NSUN6: variants seen among roughly 807,000 people sequenced by gnomAD.
NSUN6 encodes the protein NOP2/Sun RNA methyltransferase 6.
In NSUN6, 64 loss-of-function variants were observed where a neutral mutation model predicts 58.0. The ratio of observed to expected loss-of-function variants is 1.10; its 90% CI spans 0.90 to 1.36. The LOEUF is 1.36. Among genes scored for constraint, NSUN6 ranks in the 40% most tolerant of loss-of-function variants. NSUN6 has a pLI of 0.00. For missense variants in NSUN6, 701 were observed against 550.1 expected (o/e 1.27, Z -2.74); for synonymous variants, 231 against 193.9 (o/e 1.19, Z -1.59).
At chr10:18,604,954 C>T (rs1484259069) in intron 6 of NSUN6, among the ~76,000 whole-genome samples, 1 of 149,788 alleles carries the variant, frequency 6.7e-6, no homozygotes, top group African/African-American at 2.5e-5. Flanking sequence ...GGCGTGATCT[C>T]GGCTCACTGC....
chr10:18,643,427 T>C (rs1192263597), intron 2 of NSUN6, among the ~76,000 whole-genome samples: 1 of 152,018 alleles, frequency 6.6e-6, no homozygotes, highest in African/African-American at 2.4e-5. Context: ...AAAAGACCAA[T>C]CACCACAATG....
intron 8 of NSUN6, among the ~76,000 whole-genome samples, chr10:18,576,476 T>C (rs1189034138): frequency 1.3e-5 from 2 of 152,276 alleles, no homozygotes; most frequent in East Asian, 3.9e-4. Flanking sequence ...AGAGCAAGGA[T>C]GGACTGCCCC....
chr10:18,615,128 T>TATATATATACACAC (rs562207637), intron 4 of NSUN6, among the ~76,000 whole-genome samples: 2 of 148,004 alleles, frequency 1.4e-5, no homozygotes, highest in African/African-American at 5.0e-5. Context: ...TATATATATA[T>TATATATATACACAC]ACACACACAT....
chr10:18,566,145 C>A (rs2055916763), intron 8 of NSUN6, among the ~76,000 whole-genome samples: 1 of 136,496 alleles, frequency 7.3e-6, no homozygotes, highest in Non-Finnish European at 1.7e-5. Flanking sequence ...ACATTCCATT[C>A]CATTCTCCAT....
intron 3 of NSUN6, among the ~76,000 whole-genome samples, chr10:18,627,563 C>G (rs1191087636): frequency 6.6e-6 from 1 of 152,042 alleles, no homozygotes; most frequent in Non-Finnish European, 1.5e-5. Flanking sequence ...CGCACCGTGC[C>G]CGAGCCAAAG....
chr10:18,547,965 A>G (rs1403774160), intron 10 of NSUN6, 147 bp downstream of exon 10: 2 of 777,028 alleles, frequency 2.6e-6, no homozygotes, highest in East Asian at 5.4e-5. Flanking sequence ...GGCAGTCTAA[A>G]GTGGATTTAA....
chr10:18,627,885 T>C (rs2058878269), intron 3 of NSUN6, among the ~76,000 whole-genome samples: 1 of 152,176 alleles, frequency 6.6e-6, no homozygotes, highest in African/African-American at 2.4e-5. Context: ...GCTAGGAAGC[T>C]CCAACTGGGT....
At chr10:18,547,066 A>G (rs1033118346) in intron 10 of NSUN6, among the ~76,000 whole-genome samples, 32 of 152,302 alleles carry the variant, frequency 2.1e-4, no homozygotes, top group African/African-American at 6.0e-4. Context: ...GACCCATACC[A>G]GTTGGGCGAG....
chr10:18,616,075 A>G, intron 4 of NSUN6, 109 bp downstream of exon 4: 1 of 666,268 alleles, frequency 1.5e-6, no homozygotes, highest in East Asian at 2.8e-5. Flanking sequence ...AAAATACCCG[A>G]CCAAGAAAAA....
Position 18,567,614 on chromosome 10 carries a change from T to C in NSUN6, c.923-15643A>G, listed in dbSNP as rs139920027. Among the ~76,000 whole-genome samples, 47 of 149,770 alleles carry C rather than the reference T, an allele frequency of 3.1e-4. 1 individual carries two copies. Among genetic ancestry groups the C allele is most frequent in the Middle Eastern group, 3.4e-3 (1 of 294 alleles). On this transcript the variant is annotated intron_variant, in intron 8 of 10. Coordinates refer to ENST00000377304, the MANE Select transcript of NSUN6 (RefSeq NM_182543.5). ...ATTCCATTCTCCATTCCATTCTCTATTCCATTCCATTCTCTATTCCATTCT... is the reference window on the plus strand; with the variant it reads ...ATTCCATTCTCCATTCCATTCTCTACTCCATTCCATTCTCTATTCCATTCT...
intron 3 of NSUN6, among the ~76,000 whole-genome samples, chr10:18,640,236 G>C (rs1443119322): frequency 6.6e-6 from 1 of 152,164 alleles, no homozygotes; most frequent in Non-Finnish European, 1.5e-5. Context: ...CATGTATGCA[G>C]CTATAAGCAC....
chr10:18,556,986 T>C (rs866771845), intron 8 of NSUN6, among the ~76,000 whole-genome samples: 2 of 145,374 alleles, frequency 1.4e-5, no homozygotes, highest in South Asian at 4.3e-4. Flanking sequence ...GAATGGAGAA[T>C]GGAATGCAGT....
At chr10:18,554,307 A>G (rs1284067494) in intron 8 of NSUN6, among the ~76,000 whole-genome samples, 1 of 151,456 alleles carries the variant, frequency 6.6e-6, no homozygotes, top group Non-Finnish European at 1.5e-5. Flanking sequence ...AACAGAATGC[A>G]ATGGAGAGTG....
intron 3 of NSUN6, among the ~76,000 whole-genome samples, chr10:18,617,879 C>T (rs905155020): frequency 6.6e-6 from 1 of 152,160 alleles, no homozygotes; most frequent in Non-Finnish European, 1.5e-5. Flanking sequence ...TGCCCTTGTG[C>T]CCTCTACCAT....
intron 6 of NSUN6, among the ~76,000 whole-genome samples, chr10:18,598,938 T>C (rs2057699914): frequency 6.6e-6 from 1 of 152,226 alleles, no homozygotes. Flanking sequence ...AAGTTTCCAT[T>C]CAAACATAAG....
At chr10:18,597,355 C>A (rs185963265) in intron 6 of NSUN6, among the ~76,000 whole-genome samples, 1 of 152,166 alleles carries the variant, frequency 6.6e-6, no homozygotes, top group Non-Finnish European at 1.5e-5. Context: ...GACAGAGTCT[C>A]ATTATTTTGC....
chr10:18,623,514 A>G (rs2058681732), intron 3 of NSUN6, among the ~76,000 whole-genome samples: 1 of 152,228 alleles, frequency 6.6e-6, no homozygotes, highest in Non-Finnish European at 1.5e-5. Flanking sequence ...TGGAGGCTTA[A>G]TCAAACATTT....
intron 3 of NSUN6, among the ~76,000 whole-genome samples, chr10:18,639,345 G>A (rs7077637): frequency 1.3e-5 from 2 of 151,836 alleles, no homozygotes; most frequent in Non-Finnish European, 1.5e-5. Flanking sequence ...ATACAAAAAT[G>A]AAGCCAGGTG....
intron 6 of NSUN6, among the ~76,000 whole-genome samples, chr10:18,599,786 A>G (rs1306328353): frequency 6.6e-6 from 1 of 152,238 alleles, no homozygotes. Context: ...CAATTAAAAA[A>G]TTCAGTTTCA....
Sources: gnomAD v4.1 joint callset for allele counts (sites outside exome capture counted in the v4.1 genomes callset) on GRCh38, gnomAD v4.1.1 for gene constraint, MANE v1.5 for transcripts, NCBI Gene and HGNC (gene_info 2026-07-23, HGNC 2026-07-21) for gene names.